PICALM: variants seen among roughly 807,000 people sequenced by gnomAD.
PICALM encodes phosphatidylinositol-binding clathrin assembly protein.
PICALM carries 40 observed loss-of-function variants against 80.5 expected under a neutral mutation model. The observed-to-expected ratio is 0.50, with a 90% CI of 0.39 to 0.65. The LOEUF is 0.65. Among genes scored for constraint, PICALM ranks in the 30% least tolerant of loss-of-function variants. The pLI is 0.00. For missense variants in PICALM, 676 were observed against 778.9 expected (o/e 0.87, Z 1.57); for synonymous variants, 288 against 260.3 (o/e 1.11, Z -1.02).
At position 86,039,864 on chromosome 11, in the gene PICALM, C is replaced by A. The variant is rs571270228; in HGVS notation, c.131-8253G>T. On this transcript the variant is annotated intron_variant, in intron 1 of 19. Transcript: ENST00000393346. ...TAAAAATACAAAAAAATTAGCTGGGCATGGTGGCGGGAGCCTGTAGTCCCA... is the reference window on the plus strand; with the variant it reads ...TAAAAATACAAAAAAATTAGCTGGGAATGGTGGCGGGAGCCTGTAGTCCCA... 2.0e-5 allele frequency among the ~76,000 whole-genome samples: 3 copies of A among 151,824 alleles called. No individual in the cohort carries two copies. The South Asian group carries it at 6.2e-4, about 32-fold the overall frequency.
intron 13 of PICALM, among the ~76,000 whole-genome samples, chr11:85,984,949 C>T (rs2094535031): frequency 6.6e-6 from 1 of 152,066 alleles, no homozygotes; most frequent in Non-Finnish European, 1.5e-5. Context: ...ATCAACCTCA[C>T]AAGGATCACA....
intron 1 of PICALM, among the ~76,000 whole-genome samples, chr11:86,067,797 C>T (rs2096467099): frequency 6.6e-6 from 1 of 152,090 alleles, no homozygotes; most frequent in Admixed American, 6.5e-5. Flanking sequence ...CAGCAAAATG[C>T]CTTTTTCCAT....
At chr11:86,003,188 A>G (rs796541784) in intron 9 of PICALM, among the ~76,000 whole-genome samples, 178 bp downstream of exon 9, 2 of 152,344 alleles carry the variant, frequency 1.3e-5, no homozygotes, top group African/African-American at 4.8e-5. Context: ...AAGAATTTGC[A>G]TGTATTAATC....
intron 19 of PICALM, chr11:85,969,619 C>G: frequency 2.6e-6 from 1 of 391,468 alleles, no homozygotes; most frequent in Non-Finnish European, 5.1e-6. Flanking sequence ...AAGAGACTGG[C>G]TGAGAATCAT....
At chr11:85,979,361 G>A (rs2094372129) in intron 17 of PICALM, among the ~76,000 whole-genome samples, 1 of 151,708 alleles carries the variant, frequency 6.6e-6, no homozygotes, top group Non-Finnish European at 1.5e-5. Flanking sequence ...CTGGTGGTGG[G>A]CACCTGTAAT....
Position 86,004,736 on chromosome 11 carries a change from T to C in PICALM, c.808-1285A>G, listed in dbSNP as rs561556719. On this transcript the variant is annotated intron_variant, in intron 8 of 19. Coordinates refer to ENST00000393346, the MANE Select transcript of PICALM (RefSeq NM_007166.4). ...GATCTAAAAATAGTTAAAGGGGCAA[T>C]ACCTGCTAATTTCTCTATCATTGAT... 2.0e-4 allele frequency among the ~76,000 whole-genome samples: 30 copies of C among 152,288 alleles called. No individual in the cohort carries two copies. In the East Asian group the frequency reaches 5.8e-3, roughly 29 times the overall value.
At chr11:86,012,172 T>G in intron 6 of PICALM, 109 bp downstream of exon 6, 1 of 494,874 alleles carries the variant, frequency 2.0e-6, no homozygotes. Flanking sequence ...TTACAATGAA[T>G]GAATATATCA....
chr11:85,996,862 T>A lies in PICALM; in HGVS notation c.1222A>T (p.Met408Leu). The change falls in exon 12 of 20, where the codon ATG becomes TTG. Residue 408 changes from methionine to leucine, a missense_variant. Physicochemically the swap from Met to Leu is conservative, Grantham distance 15. Around this residue, in one of 2 missense-constraint regions of PICALM, gnomAD observed 391 missense variants for 383.6 expected, o/e 1.02. Transcript: ENST00000393346. ...QPTFHPSVHP[M>L]STASQVASTW... Reference sequence around the variant, plus strand: ...CTTGCTACCTGAGAAGCAGTTGACATAGGATGTACAGATGGGTGAAAAGTT... The same window carrying A: ...CTTGCTACCTGAGAAGCAGTTGACAAAGGATGTACAGATGGGTGAAAAGTT... 6.2e-7 allele frequency: 1 copy of A among 1,612,232 alleles called. No homozygotes were observed. The highest frequency in any genetic ancestry group is 1.1e-5 in the South Asian group (1 of 90,952).
intron 1 of PICALM, among the ~76,000 whole-genome samples, chr11:86,065,141 G>C (rs1434723101): frequency 6.6e-6 from 1 of 151,954 alleles, no homozygotes; most frequent in Non-Finnish European, 1.5e-5. Context: ...TTTATATTAA[G>C]AAGTTATAAA....
At chr11:86,014,395 A>T (rs2095446817) in intron 5 of PICALM, among the ~76,000 whole-genome samples, 1 of 152,254 alleles carries the variant, frequency 6.6e-6, no homozygotes, top group Non-Finnish European at 1.5e-5. Context: ...GGTTCAAGTC[A>T]TGGTCATTAA....
chr11:85,964,683 GT>G (rs34830681), intron 19 of PICALM, among the ~76,000 whole-genome samples: 122,595 of 152,080 alleles, frequency 0.81, 49,560 homozygotes, highest in African/African-American at 0.87. Context: ...GCCGTGCTCT[GT>G]TATGTCTTTC....
At chr11:86,041,116 T>C (rs937496483) in intron 1 of PICALM, among the ~76,000 whole-genome samples, 2 of 152,222 alleles carry the variant, frequency 1.3e-5, no homozygotes, top group Non-Finnish European at 2.9e-5. Context: ...AGCTCATATA[T>C]CAGTCTCTCC....
In PICALM at chr11:86,066,153, G is replaced by A. The variant is rs903964344; in HGVS notation, c.130+2498C>T. ...ATGATGTCAACACCATGAACTGTCC[G>A]TAGAAGACTTTTTAATTTTCTCAAA... On this transcript the variant is annotated intron_variant, in intron 1 of 19. Coordinates refer to ENST00000393346, the MANE Select transcript of PICALM (RefSeq NM_007166.4). Among the ~76,000 whole-genome samples the A allele has an allele frequency of 3.3e-5, 5 of 152,268 alleles. No homozygotes were observed. The East Asian group carries it at 7.7e-4, about 23-fold the overall frequency.
At chr11:86,062,264 C>G (rs1220025773) in intron 1 of PICALM, among the ~76,000 whole-genome samples, 1 of 152,162 alleles carries the variant, frequency 6.6e-6, no homozygotes, top group Non-Finnish European at 1.5e-5. Context: ...CGCCTGTAAT[C>G]CCAACACTTT....
chr11:86,055,061 TGGC>T (rs905967830), intron 1 of PICALM, among the ~76,000 whole-genome samples: 2 of 152,094 alleles, frequency 1.3e-5, no homozygotes, highest in African/African-American at 4.8e-5. Flanking sequence ...CTGGGGGTGG[TGGC>T]TAATGCCTGT....
At chr11:86,047,683 A>AT (rs1424420055) in intron 1 of PICALM, among the ~76,000 whole-genome samples, 1 of 152,230 alleles carries the variant, frequency 6.6e-6, no homozygotes, top group African/African-American at 2.4e-5. Flanking sequence ...GTTATAACAC[A>AT]TTCTTGGTTA....
At chr11:86,002,454 C>T (rs2095169753) in intron 9 of PICALM, among the ~76,000 whole-genome samples, 1 of 152,020 alleles carries the variant, frequency 6.6e-6, no homozygotes, top group South Asian at 2.1e-4. Flanking sequence ...ATTTCTTAAC[C>T]CAATACAAAA....
chr11:86,026,132 T>C (rs186800406), intron 3 of PICALM, among the ~76,000 whole-genome samples, 160 bp downstream of exon 3: 18 of 152,310 alleles, frequency 1.2e-4, no homozygotes, highest in Non-Finnish European at 1.8e-4. Context: ...AAGATTATTA[T>C]TAATCTTCAA....
chr11:85,961,522 T>A (rs944544524), intron 19 of PICALM, among the ~76,000 whole-genome samples: 7 of 152,228 alleles, frequency 4.6e-5, no homozygotes, highest in Non-Finnish European at 7.3e-5. Context: ...ACAACTGAAT[T>A]CAGTATGTAT....
Sources: allele counts gnomAD v4.1 joint callset (sites outside exome capture counted in the v4.1 genomes callset), GRCh38; gene constraint gnomAD v4.1.1; regional missense constraint gnomAD v4.1.1; transcripts MANE v1.5; gene names NCBI Gene and HGNC (gene_info 2026-07-23, HGNC 2026-07-21).